RBFOX1: variants seen among roughly 807,000 people sequenced by gnomAD.
RBFOX1 encodes the protein RNA binding protein fox-1 homolog 1.
In RBFOX1, 8 loss-of-function variants were observed where a neutral mutation model predicts 57.7. That is an observed-to-expected ratio of 0.14 (90% CI 0.08 to 0.25). The LOEUF is 0.25. Among genes scored for constraint, RBFOX1 ranks in the 10% least tolerant of loss-of-function variants. RBFOX1 has a pLI of 1.00. For synonymous variants in RBFOX1, 326 were observed against 222.4 expected, an observed-to-expected ratio of 1.47 and a Z score of -4.15; for missense variants, 611 against 548.5, an observed-to-expected ratio of 1.11 and a Z score of -1.14.
chr16:7,577,231 G>T (rs891816901), intron 5 of RBFOX1, among the ~76,000 whole-genome samples: 1 of 152,196 alleles, frequency 6.6e-6, no homozygotes, highest in South Asian at 2.1e-4. Context: ...CACTCCTGCT[G>T]TGACCCTTAG....
At chr16:7,156,694 T>C (rs1370466552) in intron 4 of RBFOX1, among the ~76,000 whole-genome samples, 3 of 152,180 alleles carry the variant, frequency 2.0e-5, no homozygotes, top group African/African-American at 7.2e-5. Flanking sequence ...TAGTATTCCC[T>C]TCTATGAGTG....
At chr16:5,909,089 C>CTTTTTTTTTTTT (rs1168067500) in intron 4 of RBFOX1, among the ~76,000 whole-genome samples, 10 of 79,406 alleles carry the variant, frequency 1.3e-4, no homozygotes, top group African/African-American at 3.6e-4. Flanking sequence ...ACTAAGCCCC[C>CTTTTTTTTTTTT]CTTTTTTTTT....
intron 3 of RBFOX1, among the ~76,000 whole-genome samples, chr16:6,780,301 ACATATATATATTTATTCATATT>A (rs1246006000): frequency 4.3e-5 from 2 of 46,586 alleles, no homozygotes; most frequent in African/African-American, 2.0e-4. Context: ...ATATATTTAT[ACATATATATATTTATTCATATT>A]TATATATATT....
intron 4 of RBFOX1, among the ~76,000 whole-genome samples, chr16:7,230,776 C>G (rs1304931898): frequency 6.6e-6 from 1 of 152,176 alleles, no homozygotes; most frequent in Non-Finnish European, 1.5e-5. Flanking sequence ...AATTTCTGCT[C>G]TTCGGACATA....
chr16:5,781,385 G>C (rs2054319304), intron 3 of RBFOX1, among the ~76,000 whole-genome samples: 1 of 152,142 alleles, frequency 6.6e-6, no homozygotes, highest in Admixed American at 6.5e-5. Flanking sequence ...TTAGAGGTTT[G>C]GATAGGACAG....
intron 4 of RBFOX1, among the ~76,000 whole-genome samples, chr16:5,905,856 T>G (rs534009827): frequency 4.6e-5 from 7 of 152,258 alleles, no homozygotes; most frequent in Non-Finnish European, 7.4e-5. Flanking sequence ...CCCAAATGCC[T>G]CCTCCGGAAG....
At chr16:7,342,447 G>A (rs2096916661) in intron 4 of RBFOX1, among the ~76,000 whole-genome samples, 1 of 152,196 alleles carries the variant, frequency 6.6e-6, no homozygotes, top group South Asian at 2.1e-4. Context: ...GCAGAAGGGA[G>A]CAATCCGATT....
chr16:7,492,168 G>T (rs1350998220), intron 4 of RBFOX1, among the ~76,000 whole-genome samples: 1 of 152,152 alleles, frequency 6.6e-6, no homozygotes, highest in South Asian at 2.1e-4. Context: ...TCTGCATTTG[G>T]AATTCCCAAC....
chr16:7,390,370 A>G (rs541640309), intron 4 of RBFOX1, among the ~76,000 whole-genome samples: 1 of 152,158 alleles, frequency 6.6e-6, no homozygotes, highest in South Asian at 2.1e-4. Flanking sequence ...TCTGAGAGAC[A>G]CCCAAACTCA....
chr16:7,137,706 A>G (rs999295760), intron 4 of RBFOX1, among the ~76,000 whole-genome samples: 1 of 152,212 alleles, frequency 6.6e-6, no homozygotes, highest in Middle Eastern at 3.2e-3. Context: ...ACGTGACAAC[A>G]GCAACTTAAC....
chr16:6,262,445 A>G (rs1230875713), intron 1 of RBFOX1, among the ~76,000 whole-genome samples: 1 of 152,106 alleles, frequency 6.6e-6, no homozygotes, highest in African/African-American at 2.4e-5. Flanking sequence ...CTTAAGAAAA[A>G]AAGGAGAGAT....
At chr16:6,569,004 C>T (rs998397750) in intron 2 of RBFOX1, among the ~76,000 whole-genome samples, 4 of 152,106 alleles carry the variant, frequency 2.6e-5, no homozygotes, top group African/African-American at 9.7e-5. Flanking sequence ...AACTCCCAAC[C>T]TTAAATGATC....
intron 1 of RBFOX1, among the ~76,000 whole-genome samples, chr16:6,149,402 G>C (rs2096782143): frequency 6.6e-6 from 1 of 152,230 alleles, no homozygotes; most frequent in African/African-American, 2.4e-5. Context: ...CATTGCAGAC[G>C]CACAGGTTTC....
chr16:5,877,989 C>T (rs532421756), intron 4 of RBFOX1, among the ~76,000 whole-genome samples: 1 of 152,198 alleles, frequency 6.6e-6, no homozygotes, highest in Non-Finnish European at 1.5e-5. Context: ...TGAGTCCCAC[C>T]TCCTACCTCA....
At chr16:5,382,390 A>G (rs1396374560) in intron 1 of RBFOX1, among the ~76,000 whole-genome samples, 1 of 112,620 alleles carries the variant, frequency 8.9e-6, no homozygotes, top group Admixed American at 9.0e-5. Flanking sequence ...TGCCATTTTC[A>G]TCTTTTTTTT....
rs762407309 is a variant in RBFOX1, at chr16:6,826,402, T to A, written c.-16+171752T>A. 1.1e-4 allele frequency among the ~76,000 whole-genome samples: 17 copies of A among 152,124 alleles called. 1 individual carries two copies. Among genetic ancestry groups the A allele is most frequent in the African/African-American group, 1.9e-4 (8 of 41,414 alleles). ...ACACTGCCTGGTACATAGTAAATAC[T>A]CCAGAGTTGCTCGCTGGGATCATTA... On this transcript the variant is annotated intron_variant, in intron 3 of 15. Transcript: ENST00000550418.
rs571046415 is a variant in RBFOX1, at chr16:7,696,536, C to G, written c.996-12520C>G. On this transcript the variant is annotated intron_variant, in intron 14 of 15. Transcript: ENST00000550418. ...GAAAAGCAAGTTACTTAATCAGTGACTAGAAATTCATTTTAGTCGATTAAT... is the reference window on the plus strand; with the variant it reads ...GAAAAGCAAGTTACTTAATCAGTGAGTAGAAATTCATTTTAGTCGATTAAT... Among the ~76,000 whole-genome samples the G allele has an allele frequency of 5.8e-4, 85 of 145,824 alleles. 2 individuals carry two copies. The South Asian group carries it at 0.016, about 27-fold the overall frequency.
intron 4 of RBFOX1, among the ~76,000 whole-genome samples, chr16:7,087,960 C>T (rs926071294): frequency 6.6e-6 from 1 of 152,108 alleles, no homozygotes; most frequent in Non-Finnish European, 1.5e-5. Flanking sequence ...ATAAAGATTG[C>T]AGCCCAGAGT....
intron 3 of RBFOX1, among the ~76,000 whole-genome samples, chr16:6,673,153 C>G (rs189647931): frequency 1.4e-4 from 22 of 152,192 alleles, no homozygotes; most frequent in Non-Finnish European, 1.8e-4. Flanking sequence ...TCAGTGATGT[C>G]TACACTTCCC....
Sources: gnomAD v4.1 joint callset for allele counts (sites outside exome capture counted in the v4.1 genomes callset) on GRCh38, gnomAD v4.1.1 for gene constraint, MANE v1.5 for transcripts, NCBI Gene and HGNC (gene_info 2026-07-23, HGNC 2026-07-21) for gene names.